Variants in FOXP1 observed in about 807,000 individuals in gnomAD.
FOXP1 encodes forkhead box P1.
In FOXP1, 15 loss-of-function variants were observed where a neutral mutation model predicts 98.2. The observed-to-expected ratio is 0.15, with a 90% CI of 0.10 to 0.24. The LOEUF (loss-of-function observed/expected upper bound fraction) is 0.24, where lower values mean the gene tolerates loss of function less well. FOXP1 is among the 10% of genes least tolerant of loss of function. FOXP1 has a pLI of 1.00. For missense variants in FOXP1, 633 were observed against 848.5 expected, an observed-to-expected ratio of 0.75 and a Z score of 3.15; for synonymous variants, 371 against 314.5, an observed-to-expected ratio of 1.18 and a Z score of -1.90.
chr3:71,041,252 G>T, intron 11 of FOXP1, 76 bp downstream of exon 11: 1 of 1,119,786 alleles, frequency 8.9e-7, no homozygotes, highest in Non-Finnish European at 1.4e-6. Context: ...GGATCACTGA[G>T]ATATGACGAG....
At chr3:71,316,123 G>A (rs1288690) in intron 4 of FOXP1, among the ~76,000 whole-genome samples, 1 of 152,124 alleles carries the variant, frequency 6.6e-6, no homozygotes, top group Non-Finnish European at 1.5e-5. Context: ...CTTCTCTTCT[G>A]CAGATCCAGG....
intron 5 of FOXP1, among the ~76,000 whole-genome samples, chr3:71,199,772 G>A (rs2063542542): frequency 6.6e-6 from 1 of 150,434 alleles, no homozygotes; most frequent in Non-Finnish European, 1.5e-5. Flanking sequence ...GGTGCAAAAT[G>A]AGTAGCTAGA....
intron 3 of FOXP1, among the ~76,000 whole-genome samples, chr3:71,421,259 C>T (rs1021209489): frequency 3.3e-5 from 5 of 151,366 alleles, no homozygotes; most frequent in Non-Finnish European, 5.9e-5. Context: ...GAATAAATAT[C>T]ATTTTCCTTG....
intron 5 of FOXP1, among the ~76,000 whole-genome samples, chr3:71,219,795 T>G (rs1476149656): frequency 1.3e-5 from 2 of 152,246 alleles, no homozygotes; most frequent in African/African-American, 4.8e-5. Flanking sequence ...TCCTTTTATT[T>G]CTACTGTGCA....
intron 11 of FOXP1, among the ~76,000 whole-genome samples, chr3:71,030,609 T>C (rs2106646455): frequency 6.6e-6 from 1 of 152,358 alleles, no homozygotes; most frequent in Middle Eastern, 3.4e-3. Context: ...TGGCCTGTGG[T>C]TTGAGCTTGG....
chr3:70,994,920 T>C (rs1386292897), intron 13 of FOXP1, among the ~76,000 whole-genome samples: 1 of 152,182 alleles, frequency 6.6e-6, no homozygotes, highest in East Asian at 1.9e-4. Flanking sequence ...AGTTTAGCAA[T>C]GTCACATGAT....
intron 3 of FOXP1, among the ~76,000 whole-genome samples, chr3:71,444,359 A>C (rs1234973906): frequency 6.7e-6 from 1 of 150,002 alleles, no homozygotes; most frequent in African/African-American, 2.4e-5. Flanking sequence ...GGAGGCCTCA[A>C]ACAATCAAGG....
At chr3:71,534,618 T>C (rs752159941) in intron 2 of FOXP1, among the ~76,000 whole-genome samples, 1 of 152,232 alleles carries the variant, frequency 6.6e-6, no homozygotes, top group Admixed American at 6.5e-5. Flanking sequence ...GTTTGCTTAC[T>C]TGAAAATGCA....
intron 3 of FOXP1, among the ~76,000 whole-genome samples, chr3:71,449,891 A>G (rs771551623): frequency 7.2e-5 from 11 of 152,232 alleles, no homozygotes; most frequent in Admixed American, 6.5e-5. Flanking sequence ...AATCTCACAT[A>G]GGTCTATGAA....
At chr3:71,382,500 G>C (rs142995179) in intron 3 of FOXP1, among the ~76,000 whole-genome samples, 31 of 152,228 alleles carry the variant, frequency 2.0e-4, no homozygotes, top group African/African-American at 7.5e-4. Flanking sequence ...CAGGGAGGGT[G>C]GTATGTGGCA....
chr3:71,530,433 T>C (rs1177815055), intron 2 of FOXP1, among the ~76,000 whole-genome samples: 1 of 152,136 alleles, frequency 6.6e-6, no homozygotes, highest in Non-Finnish European at 1.5e-5. Context: ...ATAATAAATT[T>C]CTTTCCTTTA....
intron 17 of FOXP1, among the ~76,000 whole-genome samples, chr3:70,974,060 A>T (rs2036968996): frequency 6.6e-6 from 1 of 152,114 alleles, no homozygotes; most frequent in African/African-American, 2.4e-5. Flanking sequence ...GGTGTGATGA[A>T]TTGCTTGAAA....
chr3:71,541,275 T>A lies in FOXP1; in HGVS notation c.-298+40274A>T, dbSNP rs1165041909. On this transcript the variant is annotated intron_variant, in intron 2 of 20. Transcript: ENST00000649528. Reference sequence around the variant, plus strand: ...CCTGTTAAAAGAGAAGAATAATATTTGGGCATATGTAGACATACCCTAGAA... The same window carrying A: ...CCTGTTAAAAGAGAAGAATAATATTAGGGCATATGTAGACATACCCTAGAA... Among the ~76,000 whole-genome samples the A allele has an allele frequency of 2.0e-5, 3 of 152,238 alleles. No homozygotes were observed. In the East Asian group the frequency reaches 5.8e-4, roughly 29 times the overall value.
chr3:71,083,202 C>T (rs1421088863), intron 7 of FOXP1, among the ~76,000 whole-genome samples: 2 of 152,134 alleles, frequency 1.3e-5, no homozygotes, highest in South Asian at 2.1e-4. Context: ...GTCCTCGTGA[C>T]AGTGAGTTCC....
chr3:71,294,388 G>A (rs771449921), intron 5 of FOXP1, among the ~76,000 whole-genome samples: 1 of 151,968 alleles, frequency 6.6e-6, no homozygotes, highest in African/African-American at 2.4e-5. Context: ...CATAATTCCC[G>A]ACACCCTGGA....
intron 2 of FOXP1, among the ~76,000 whole-genome samples, chr3:71,554,946 T>C (rs1167856778): frequency 1.3e-5 from 2 of 152,214 alleles, no homozygotes; most frequent in Non-Finnish European, 2.9e-5. Context: ...AAATATTTTA[T>C]AGAAGTTAAT....
chr3:71,540,928 G>A (rs2044755154), intron 2 of FOXP1, among the ~76,000 whole-genome samples: 1 of 152,208 alleles, frequency 6.6e-6, no homozygotes, highest in South Asian at 2.1e-4. Flanking sequence ...AAGTTAAAGA[G>A]GTAGGAGAAC....
intron 2 of FOXP1, among the ~76,000 whole-genome samples, chr3:71,529,470 C>T (rs1372900364): frequency 1.3e-5 from 2 of 152,118 alleles, no homozygotes; most frequent in African/African-American, 4.8e-5. Context: ...TTTTGTATGC[C>T]ATGGCTGGGC....
At chr3:71,198,943 G>A (rs1000918577) in intron 5 of FOXP1, among the ~76,000 whole-genome samples, 6 of 151,914 alleles carry the variant, frequency 3.9e-5, no homozygotes, top group East Asian at 1.9e-4. Flanking sequence ...TGATCCACCC[G>A]CCTCGGCCTC....
Sources: allele counts gnomAD v4.1 joint callset (sites outside exome capture counted in the v4.1 genomes callset), GRCh38; gene constraint gnomAD v4.1.1; transcripts MANE v1.5; gene names NCBI Gene and HGNC (gene_info 2026-07-23, HGNC 2026-07-21).